Variants in R3HCC1L observed in about 807,000 individuals in gnomAD.
The protein encoded by R3HCC1L is coiled-coil domain-containing protein R3HCC1L.
R3HCC1L carries 51 observed loss-of-function variants against 59.9 expected under a neutral mutation model. The observed-to-expected ratio is 0.85, with a 90% CI of 0.68 to 1.07. The LOEUF is 1.07. Among genes scored for constraint, R3HCC1L ranks in the 50% least tolerant of loss-of-function variants. The pLI, the probability that R3HCC1L is intolerant of heterozygous loss-of-function variation, is 0.00. For synonymous variants in R3HCC1L, 322 were observed against 315.2 expected, an observed-to-expected ratio of 1.02 and a Z score of -0.23; for missense variants, 965 against 933.0, an observed-to-expected ratio of 1.03 and a Z score of -0.45.
At chr10:98,213,498 A>G (rs886679152) in intron 5 of R3HCC1L, among the ~76,000 whole-genome samples, 5 of 152,188 alleles carry the variant, frequency 3.3e-5, no homozygotes, top group African/African-American at 1.2e-4. Flanking sequence ...TATGACTTCA[A>G]AAGGAGATTA....
chr10:98,233,882 T>G (rs1856644780), intron 6 of R3HCC1L, among the ~76,000 whole-genome samples: 1 of 152,128 alleles, frequency 6.6e-6, no homozygotes, highest in African/African-American at 2.4e-5. Context: ...CTGCAACAAG[T>G]GAAGAATAGA....
intron 4 of R3HCC1L, among the ~76,000 whole-genome samples, chr10:98,164,446 A>T (rs890670015): frequency 3.3e-5 from 5 of 152,224 alleles, no homozygotes; most frequent in African/African-American, 1.2e-4. Flanking sequence ...TGCATGGCTC[A>T]TGTGAGTAGA....
chr10:98,175,612 A>G (rs1018166983), intron 4 of R3HCC1L, among the ~76,000 whole-genome samples: 2 of 152,118 alleles, frequency 1.3e-5, no homozygotes, highest in Non-Finnish European at 2.9e-5. Flanking sequence ...CCATCCTTAT[A>G]TCTTCTTTGG....
intron 5 of R3HCC1L, among the ~76,000 whole-genome samples, chr10:98,222,591 G>T (rs998574551): frequency 6.6e-6 from 1 of 152,012 alleles, no homozygotes; most frequent in Non-Finnish European, 1.5e-5. Flanking sequence ...TAGCATGAAG[G>T]GTTGTTGAAT....
At chr10:98,206,355 G>A (rs1001919414) in intron 4 of R3HCC1L, among the ~76,000 whole-genome samples, 1 of 149,430 alleles carries the variant, frequency 6.7e-6, no homozygotes, top group Non-Finnish European at 1.5e-5. Flanking sequence ...CTCCAAAAGA[G>A]ATCCTTGTAT....
chr10:98,238,022 G>C (rs1338090775), intron 9 of R3HCC1L, among the ~76,000 whole-genome samples: 3 of 152,088 alleles, frequency 2.0e-5, no homozygotes, highest in Non-Finnish European at 2.9e-5. Flanking sequence ...CTTAAACAGA[G>C]CTCAAGCAAG....
chr10:98,144,598 C>G (rs567573694), intron 1 of R3HCC1L, among the ~76,000 whole-genome samples: 118 of 152,188 alleles, frequency 7.8e-4, no homozygotes, highest in Non-Finnish European at 1.3e-3. Flanking sequence ...CCTTGCCAAA[C>G]TGAAAACTAG....
At chr10:98,153,655 C>T (rs951240254) in intron 1 of R3HCC1L, among the ~76,000 whole-genome samples, 1 of 148,802 alleles carries the variant, frequency 6.7e-6, no homozygotes, top group Non-Finnish European at 1.5e-5. Context: ...AACAGCTGAC[C>T]AGCCTTAATG....
At chr10:98,188,597 G>A (rs1490761655) in intron 4 of R3HCC1L, among the ~76,000 whole-genome samples, 1 of 152,150 alleles carries the variant, frequency 6.6e-6, no homozygotes, top group African/African-American at 2.4e-5. Flanking sequence ...TCATTTCTGT[G>A]CCTCAGTTAT....
At chr10:98,211,639 A>G (rs1853589828) in intron 5 of R3HCC1L, among the ~76,000 whole-genome samples, 1 of 152,188 alleles carries the variant, frequency 6.6e-6, no homozygotes, top group South Asian at 2.1e-4. Context: ...CTCCAAAAGA[A>G]GAGCGTGGCT....
intron 5 of R3HCC1L, chr10:98,211,263 C>T: frequency 7.8e-7 from 1 of 1,279,406 alleles, no homozygotes; most frequent in Admixed American, 2.0e-5. Context: ...GTTAGAAATT[C>T]AAATTATTTA....
intron 5 of R3HCC1L, among the ~76,000 whole-genome samples, chr10:98,211,030 G>A (rs984885587): frequency 1.3e-5 from 2 of 152,152 alleles, no homozygotes; most frequent in Non-Finnish European, 2.9e-5. Flanking sequence ...TACCACAAAC[G>A]AGCACATCCT....
intron 4 of R3HCC1L, among the ~76,000 whole-genome samples, chr10:98,200,069 A>T (rs994137985): frequency 2.0e-5 from 3 of 151,896 alleles, no homozygotes; most frequent in African/African-American, 7.2e-5. Context: ...GTCCTTCTTT[A>T]GTTGTTGAGT....
At chr10:98,162,582 T>TA (rs1315554002) in intron 2 of R3HCC1L, among the ~76,000 whole-genome samples, 1 of 152,216 alleles carries the variant, frequency 6.6e-6, no homozygotes, top group Non-Finnish European at 1.5e-5. Context: ...AGCATATACT[T>TA]ACTGAGTATC....
chr10:98,173,199 G>A (rs1777563598), intron 4 of R3HCC1L, among the ~76,000 whole-genome samples: 1 of 152,112 alleles, frequency 6.6e-6, no homozygotes, highest in African/African-American at 2.4e-5. Context: ...CCCTAAAATG[G>A]ACAGTTAGGC....
At chr10:98,211,430 G>T in intron 5 of R3HCC1L, 1 of 1,417,746 alleles carries the variant, frequency 7.1e-7, no homozygotes, top group Non-Finnish European at 9.3e-7. Flanking sequence ...ATACTGTTCA[G>T]TAGAGGTTTG....
intron 5 of R3HCC1L, among the ~76,000 whole-genome samples, chr10:98,225,154 A>G (rs1855531187): frequency 6.6e-6 from 1 of 152,202 alleles, no homozygotes; most frequent in Admixed American, 6.5e-5. Flanking sequence ...TTACATAGCC[A>G]CATGTGACAG....
At chr10:98,201,994 T>C (rs534509748) in intron 4 of R3HCC1L, among the ~76,000 whole-genome samples, 21 of 152,062 alleles carry the variant, frequency 1.4e-4, no homozygotes, top group Middle Eastern at 3.4e-3. Context: ...CTTGAACTCG[T>C]GGCCTCAAGC....
chr10:98,148,749 G>T (rs761665028), intron 1 of R3HCC1L, among the ~76,000 whole-genome samples: 1 of 152,088 alleles, frequency 6.6e-6, no homozygotes, highest in Non-Finnish European at 1.5e-5. Context: ...TGATCATGGG[G>T]AATTATCTTT....
Sources: gnomAD v4.1 joint callset for allele counts (sites outside exome capture counted in the v4.1 genomes callset) on GRCh38, gnomAD v4.1.1 for gene constraint, MANE v1.5 for transcripts, NCBI Gene and HGNC (gene_info 2026-07-23, HGNC 2026-07-21) for gene names.